The following PRRG1 variants were observed in gnomAD, a reference collection of about 807,000 sequenced individuals.
The protein encoded by PRRG1 is transmembrane gamma-carboxyglutamic acid protein 1.
In PRRG1, 5 loss-of-function variants were observed where a neutral mutation model predicts 11.8. The ratio of observed to expected loss-of-function variants is 0.42; its 90% CI spans 0.22 to 0.89. PRRG1 has a LOEUF of 0.89. Among genes scored for constraint, PRRG1 ranks in the 40% least tolerant of loss-of-function variants. The pLI, the probability that PRRG1 is intolerant of heterozygous loss-of-function variation, is 0.28. For missense variants in PRRG1, 155 were observed against 166.1 expected (o/e 0.93, Z 0.37); for synonymous variants, 66 against 60.4 (o/e 1.09, Z -0.43).
chrX:37,420,091 GT>G (rs1485211725), intron 2 of PRRG1, among the ~76,000 whole-genome samples: 2 of 111,574 alleles, frequency 1.8e-5, no homozygotes, highest in Non-Finnish European at 1.9e-5. Context: ...TTGTAAATCT[GT>G]TTTTTTGTCA....
rs186356630 is a variant in PRRG1, at chrX:37,454,517, C to T, written c.*896C>T. 2.7e-5 allele frequency: 3 copies of T among 111,802 alleles called. No homozygotes were observed. Among genetic ancestry groups the T allele is most frequent in the Non-Finnish European group, 5.6e-5 (3 of 53,134 alleles). The allele number at this position is 111,802 out of a possible 1,213,427, so 9.2% of individuals were successfully genotyped here. ...CACTGTTTTATTGCCTTTTACTGTA[C>T]GTTCTACACTCTGTCCTACTCCCAC... On this transcript the variant is annotated 3_prime_UTR_variant, in exon 4 of 4. Transcript: ENST00000378628.
chrX:37,379,720 A>T (rs191570776), intron 1 of PRRG1, among the ~76,000 whole-genome samples: 1 of 112,045 alleles, frequency 8.9e-6, no homozygotes, highest in East Asian at 2.8e-4. Context: ...ATGGGAAATT[A>T]AAATATTGTT....
chrX:37,427,907 G>A (rs782363238), intron 3 of PRRG1, among the ~76,000 whole-genome samples: 18 of 111,832 alleles, frequency 1.6e-4, no homozygotes, highest in Non-Finnish European at 2.4e-4. Flanking sequence ...TTACAGTTCC[G>A]CATGGCTGGG....
chrX:37,442,890 T>G (rs782812081), intron 3 of PRRG1, among the ~76,000 whole-genome samples: 8 of 111,784 alleles, frequency 7.2e-5, no homozygotes, highest in African/African-American at 1.3e-4. Flanking sequence ...ATTGTGCCAT[T>G]TCTTCCAATA....
At position 37,412,538 on chromosome X, in the gene PRRG1, T is replaced by C. The variant is rs782787084; in HGVS notation, c.10+6279T>C. 1.7e-3 allele frequency among the ~76,000 whole-genome samples: 186 copies of C among 111,591 alleles called. 2 individuals are homozygous for C. The highest frequency in any genetic ancestry group is 2.5e-3 in the Non-Finnish European group (134 of 53,036). On this transcript the variant is annotated intron_variant, in intron 2 of 3. Transcript: ENST00000378628. ...TTCATTTTTCTGGCCTATATTAGAT[T>C]TGAGAGTCTCTTTATTGTGACATAT... is the stretch of plus-strand genomic sequence containing the variant.
intron 1 of PRRG1, among the ~76,000 whole-genome samples, chrX:37,362,462 A>G (rs1311913732): frequency 9.1e-6 from 1 of 110,160 alleles, no homozygotes; most frequent in Non-Finnish European, 1.9e-5. Flanking sequence ...ATCCACAGAT[A>G]TTGAAAGCTT....
chrX:37,422,227 A>G (rs1410148809), intron 2 of PRRG1, among the ~76,000 whole-genome samples: 1 of 112,119 alleles, frequency 8.9e-6, no homozygotes, highest in Non-Finnish European at 1.9e-5. Flanking sequence ...TAAAAGTTCA[A>G]AATACATTAA....
chrX:37,399,310 G>C (rs1393650150), intron 1 of PRRG1, among the ~76,000 whole-genome samples: 1 of 110,398 alleles, frequency 9.1e-6, no homozygotes, highest in Non-Finnish European at 1.9e-5. Context: ...AGCCAGAAGA[G>C]AGTGGGGGCC....
At chrX:37,452,059 G>A (rs1921161250) in intron 3 of PRRG1, among the ~76,000 whole-genome samples, 1 of 111,745 alleles carries the variant, frequency 8.9e-6, no homozygotes, top group Non-Finnish European at 1.9e-5. Context: ...CAGACATTTC[G>A]AATCTTATCA....
Position 37,455,464 on chromosome X carries a change from C to G in PRRG1, c.*1843C>G, listed in dbSNP as rs1482503284. On this transcript the variant is annotated 3_prime_UTR_variant, in exon 4 of 4. Transcript: ENST00000378628. ...CAGTGAGAAATAGAGCAGGCTGCCCCATAAATGGGTAACATATTCCTAATC... is the reference window on the plus strand; with the variant it reads ...CAGTGAGAAATAGAGCAGGCTGCCCGATAAATGGGTAACATATTCCTAATC... The G allele has an allele frequency of 8.9e-6, 1 of 112,044 alleles. No individual in the cohort carries two copies. The highest frequency in any genetic ancestry group is 1.9e-5 in the Non-Finnish European group (1 of 53,254). 9.2% of individuals were successfully genotyped at this position (112,044 alleles called of 1,213,427 possible).
intron 2 of PRRG1, among the ~76,000 whole-genome samples, chrX:37,416,785 C>G (rs782329323): frequency 8.9e-6 from 1 of 112,152 alleles, no homozygotes; most frequent in African/African-American, 3.2e-5. Flanking sequence ...TGTAATCTGC[C>G]ATTTCATGAC....
chrX:37,352,328 C>G (rs1393675211), intron 1 of PRRG1, among the ~76,000 whole-genome samples: 2 of 112,201 alleles, frequency 1.8e-5, no homozygotes, highest in African/African-American at 6.5e-5. Flanking sequence ...TGCAAAAGCA[C>G]TTTTTTTCAT....
chrX:37,389,780 AT>A (rs1931465256), intron 1 of PRRG1, among the ~76,000 whole-genome samples: 1 of 111,639 alleles, frequency 9.0e-6, no homozygotes, highest in African/African-American at 3.3e-5. Context: ...CATATCACAT[AT>A]TATCAATTTA....
At chrX:37,430,041 G>A (rs953844660) in intron 3 of PRRG1, among the ~76,000 whole-genome samples, 3 of 112,054 alleles carry the variant, frequency 2.7e-5, no homozygotes, top group East Asian at 5.6e-4. Flanking sequence ...CCCACAGCAC[G>A]TGGGAATTCT....
At chrX:37,398,228 C>A (rs1162611098) in intron 1 of PRRG1, among the ~76,000 whole-genome samples, 3 of 111,421 alleles carry the variant, frequency 2.7e-5, no homozygotes, top group Non-Finnish European at 5.7e-5. Flanking sequence ...GGAGGCACCC[C>A]CCCAGTAGGG....
chrX:37,432,150 C>G (rs1410581852), intron 3 of PRRG1, among the ~76,000 whole-genome samples: 4 of 107,276 alleles, frequency 3.7e-5, no homozygotes, highest in Admixed American at 9.9e-5. Context: ...TGCAGTGGCG[C>G]AATCTCAGCT....
At chrX:37,353,402 T>C (rs1294922683) in intron 1 of PRRG1, among the ~76,000 whole-genome samples, 1 of 112,413 alleles carries the variant, frequency 8.9e-6, no homozygotes, top group Non-Finnish European at 1.9e-5. Context: ...GTTTATGTAG[T>C]AAAGAAGTTA....
rs782394755 is a variant in PRRG1 at position 37,446,573 on chromosome X, C to G, written c.172-6563C>G. Reference sequence around the variant, plus strand: ...CTCTCAAGTGTCTTTCATACCAGCCCCACTGAAAGATTACCTTCCTTAGGA... The same window carrying G: ...CTCTCAAGTGTCTTTCATACCAGCCGCACTGAAAGATTACCTTCCTTAGGA... On this transcript the variant is annotated intron_variant, in intron 3 of 3. Coordinates refer to ENST00000378628, the MANE Select transcript of PRRG1 (RefSeq NM_001142395.2). Among the ~76,000 whole-genome samples, 84 of 112,041 alleles carry G rather than the reference C, an allele frequency of 7.5e-4. 1 individual carries two copies. The highest frequency in any genetic ancestry group is 4.9e-3 in the South Asian group (13 of 2,671).
At chrX:37,450,997 G>GTTTTGTT (rs1556396422) in intron 3 of PRRG1, among the ~76,000 whole-genome samples, 2 of 102,748 alleles carry the variant, frequency 1.9e-5, no homozygotes, top group East Asian at 5.7e-4. Context: ...TGCTGTTTTT[G>GTTTTGTT]TTTTGTTTTG....
Sources: allele counts gnomAD v4.1 joint callset (sites outside exome capture counted in the v4.1 genomes callset), GRCh38; gene constraint gnomAD v4.1.1; transcripts MANE v1.5; gene names NCBI Gene and HGNC (gene_info 2026-07-23, HGNC 2026-07-21).